TRIO: variants seen among roughly 807,000 people sequenced by gnomAD.
TRIO encodes the protein trio Rho guanine nucleotide exchange factor.
A neutral mutation model predicts 351.9 loss-of-function variants in TRIO; 58 were observed. That is an observed-to-expected ratio of 0.16 (90% CI 0.13 to 0.21). TRIO has a LOEUF of 0.21. Among genes scored for constraint, TRIO ranks in the 10% least tolerant of loss-of-function variants. The pLI is 1.00. For missense variants in TRIO, 3,201 were observed against 4,027.8 expected (o/e 0.79, Z 5.56); for synonymous variants, 1,758 against 1,595.7 (o/e 1.10, Z -2.42).
At chr5:14,468,395 C>T (rs888599727) in intron 37 of TRIO, among the ~76,000 whole-genome samples, 4 of 152,248 alleles carry the variant, frequency 2.6e-5, no homozygotes, top group Non-Finnish European at 2.9e-5. Context: ...CTTTCAGCTA[C>T]ACATGGGAGC....
At chr5:14,185,846 G>A (rs1183084644) in intron 1 of TRIO, among the ~76,000 whole-genome samples, 2 of 152,116 alleles carry the variant, frequency 1.3e-5, no homozygotes, top group Non-Finnish European at 2.9e-5. Flanking sequence ...TATGGGTGGT[G>A]GACATGGGGT....
chr5:14,306,943 G>A (rs958254339), intron 8 of TRIO, among the ~76,000 whole-genome samples: 1 of 152,138 alleles, frequency 6.6e-6, no homozygotes, highest in Non-Finnish European at 1.5e-5. Context: ...AAGTTAAACA[G>A]CCTCTCAAAC....
Position 14,291,072 on chromosome 5 carries a change from A to G in TRIO, c.897A>G (p.Ser299=), listed in dbSNP as rs148069224. 2 of 1,614,118 alleles carry G rather than the reference A, an allele frequency of 1.2e-6. No homozygotes were observed. The highest frequency in any genetic ancestry group is 2.7e-5 in the African/African-American group (2 of 74,938). Residue 299 remains serine, a synonymous_variant, in exon 5 of 57, where the codon TCA becomes TCG. Transcript: ENST00000344204. ...GCTTTCCCAAAAAGAACTCAGGCTC[A>G]GGCAATGCGGACCTGCAGAACCTCT... is the stretch of plus-strand genomic sequence containing the variant. The part of the protein sequence containing the change: ...SESFPKKNSG[S]GNADLQNLLP...
chr5:14,221,261 C>T (rs1792599505), intron 1 of TRIO, among the ~76,000 whole-genome samples: 1 of 152,060 alleles, frequency 6.6e-6, no homozygotes, highest in African/African-American at 2.4e-5. Context: ...TGCTCATTGA[C>T]AATACACCTA....
At chr5:14,200,807 A>C (rs1489505135) in intron 1 of TRIO, among the ~76,000 whole-genome samples, 1 of 152,214 alleles carries the variant, frequency 6.6e-6, no homozygotes, top group African/African-American at 2.4e-5. Context: ...GTTTAGCGTA[A>C]GCATATAAAC....
intron 45 of TRIO, among the ~76,000 whole-genome samples, chr5:14,481,967 T>C (rs933953664): frequency 1.3e-5 from 2 of 151,830 alleles, no homozygotes; most frequent in Admixed American, 1.3e-4. Flanking sequence ...ACCTCGGAGG[T>C]CCCCACTCTC....
At chr5:14,268,652 G>A (rs1272836187) in intron 1 of TRIO, among the ~76,000 whole-genome samples, 4 of 152,198 alleles carry the variant, frequency 2.6e-5, no homozygotes, top group Non-Finnish European at 4.4e-5. Flanking sequence ...TACAGCTGTC[G>A]CTTACTCCTT....
rs775390425 is a variant in TRIO at position 14,465,647 on chromosome 5, C to G, written c.5763+7C>G. ...ACTCGTGAAAAGCAAGATGGTGAGGCCTCCCAGAGAAAGTCTGACTTTTGG... is the reference window on the plus strand; with the variant it reads ...ACTCGTGAAAAGCAAGATGGTGAGGGCTCCCAGAGAAAGTCTGACTTTTGG... On this transcript the variant is annotated splice_region_variant and intron_variant, in intron 37 of 56. Coordinates refer to ENST00000344204, the MANE Select transcript of TRIO (RefSeq NM_007118.4). The G allele has an allele frequency of 5.6e-6, 9 of 1,613,924 alleles. 1 individual carries two copies. The South Asian group carries it at 6.6e-5, about 12-fold the overall frequency.
intron 1 of TRIO, among the ~76,000 whole-genome samples, chr5:14,222,582 A>C (rs979715880): frequency 1.3e-5 from 2 of 152,226 alleles, no homozygotes; most frequent in African/African-American, 2.4e-5. Context: ...TGGAAACAGT[A>C]AAATGCAGCC....
intron 39 of TRIO, among the ~76,000 whole-genome samples, chr5:14,473,183 G>A (rs1426714831): frequency 6.6e-6 from 1 of 152,192 alleles, no homozygotes; most frequent in Non-Finnish European, 1.5e-5. Flanking sequence ...TGTAGCCATA[G>A]CAAACCACTG....
chr5:14,287,513 A>T (rs1311472451), intron 4 of TRIO, among the ~76,000 whole-genome samples: 3 of 152,250 alleles, frequency 2.0e-5, no homozygotes, highest in Non-Finnish European at 4.4e-5. Context: ...GAATGCATGT[A>T]TTAGGCCTCT....
At chr5:14,202,814 G>A (rs1481924027) in intron 1 of TRIO, among the ~76,000 whole-genome samples, 1 of 150,662 alleles carries the variant, frequency 6.6e-6, no homozygotes, top group East Asian at 1.9e-4. Flanking sequence ...ATAACTGTGA[G>A]GCCTCTCCAG....
In TRIO at chr5:14,399,024, A is replaced by G. The variant is rs1747846331; in HGVS notation, c.4568A>G (p.Lys1523Arg). The change falls in exon 30 of 57, where the codon AAA becomes AGA. Residue 1523 changes from lysine (K) to arginine (R), a missense_variant. Physicochemically the swap from Lys to Arg is conservative, Grantham distance 26. Coordinates refer to ENST00000344204, the MANE Select transcript of TRIO (RefSeq NM_007118.4). ...TCCTTAGTATTTAGTAAAGAAGTGA[A>G]AGATTCCAGTGGGAGAAGCAAGTAC... Reference protein sequence around the residue: ...EMSLVFSKEVKDSSGRSKYLY... With the variant: ...EMSLVFSKEVRDSSGRSKYLY... The G allele has an allele frequency of 6.2e-7, 1 of 1,614,182 alleles. No homozygotes were observed. Among genetic ancestry groups the G allele is most frequent in the Non-Finnish European group, 8.5e-7 (1 of 1,180,024 alleles).
At chr5:14,298,126 T>C (rs1346155181) in intron 7 of TRIO, among the ~76,000 whole-genome samples, 2 of 152,320 alleles carry the variant, frequency 1.3e-5, no homozygotes, top group Non-Finnish European at 2.9e-5. Flanking sequence ...TTCATAATTA[T>C]AAACTTAGCT....
intron 34 of TRIO, among the ~76,000 whole-genome samples, chr5:14,447,834 C>G (rs188558029): frequency 4.4e-4 from 67 of 152,336 alleles, no homozygotes; most frequent in Admixed American, 1.2e-3. Context: ...ATGGGTTCAA[C>G]ATTCATGTTT....
At chr5:14,332,676 A>G (rs979318512) in intron 10 of TRIO, among the ~76,000 whole-genome samples, 2 of 152,130 alleles carry the variant, frequency 1.3e-5, no homozygotes, top group African/African-American at 4.8e-5. Flanking sequence ...TCATCTGCTA[A>G]TTTTTCCTTA....
intron 1 of TRIO, among the ~76,000 whole-genome samples, chr5:14,253,558 T>G (rs1054860655): frequency 1.3e-5 from 2 of 152,138 alleles, no homozygotes; most frequent in African/African-American, 4.8e-5. Context: ...AGGCTGGTCT[T>G]GAACTCCTGA....
chr5:14,401,651 A>G (rs994559225), intron 31 of TRIO, among the ~76,000 whole-genome samples: 33 of 152,216 alleles, frequency 2.2e-4, no homozygotes, highest in African/African-American at 7.7e-4. Context: ...GGAGGAAAAT[A>G]TCTTGGAATA....
intron 1 of TRIO, among the ~76,000 whole-genome samples, chr5:14,196,190 A>G (rs958603108): frequency 2.0e-5 from 3 of 152,016 alleles, no homozygotes; most frequent in Non-Finnish European, 4.4e-5. Flanking sequence ...GGAGGCTGAG[A>G]CGGGGTGGAT....
Sources: gnomAD v4.1 joint callset for allele counts (sites outside exome capture counted in the v4.1 genomes callset) on GRCh38, gnomAD v4.1.1 for gene constraint, MANE v1.5 for transcripts, NCBI Gene and HGNC (gene_info 2026-07-23, HGNC 2026-07-21) for gene names.